DNAAF2: variants seen among roughly 807,000 people sequenced by gnomAD.
DNAAF2 encodes dynein axonemal assembly factor 2, also known as protein kintoun.
In DNAAF2, 58 loss-of-function variants were observed where a neutral mutation model predicts 48.8. The observed-to-expected ratio is 1.19, with a 90% CI of 0.96 to 1.48. The LOEUF (loss-of-function observed/expected upper bound fraction) is 1.48, where lower values mean the gene tolerates loss of function less well. Ranked by LOEUF, DNAAF2 falls within the 40% of genes most tolerant of loss-of-function variation. The pLI is 0.00. For missense variants in DNAAF2, 1,241 were observed against 1,116.1 expected (o/e 1.11, Z -1.59); for synonymous variants, 567 against 481.2 (o/e 1.18, Z -2.33).
rs374063062 is a variant in DNAAF2, at chr14:49,634,200, C to T, written c.950G>A (p.Arg317Gln). ...TGGGTACGGGAGCGAGAGCCGCAGC[C>T]GGTAGTCAGGTTTCCTCGAGTCGAG... Reference protein sequence around the residue: ...LCLDSRKPDYRLRLSLPYPVD... With the variant: ...LCLDSRKPDYQLRLSLPYPVD... Residue 317 changes from arginine to glutamine, a missense_variant, in exon 1 of 3, where the codon CGG becomes CAG. Transcript: ENST00000298292. 114 of 1,611,748 alleles carry T rather than the reference C, an allele frequency of 7.1e-5. No homozygotes were observed. Among genetic ancestry groups the T allele is most frequent in the Non-Finnish European group, 8.9e-5 (105 of 1,179,602 alleles).
At position 49,634,563 on chromosome 14, in the gene DNAAF2, G is replaced by A; in HGVS notation, c.587C>T (p.Pro196Leu). 1 of 1,604,512 alleles carries A rather than the reference G, an allele frequency of 6.2e-7. No individual in the cohort carries two copies. Among genetic ancestry groups the A allele is most frequent in the South Asian group, 1.1e-5 (1 of 91,088 alleles). Residue 196 changes from proline to leucine, a missense_variant, in exon 1 of 3, where the codon CCA (proline) becomes CTA (leucine). Coordinates refer to ENST00000298292, the MANE Select transcript of DNAAF2 (RefSeq NM_018139.3). The part of the protein sequence containing the change: ...KTLKAKYKGT[P>L]EAAVLRTPLP... The stretch of plus-strand genomic sequence containing the variant: ...GGGCGTGCGCAGCACCGCAGCCTCT[G>A]GGGTCCCCTTATACTTGGCCTTCAG...
intron 2 of DNAAF2, among the ~76,000 whole-genome samples, chr14:49,626,845 G>A (rs1056314364): frequency 5.1e-5 from 6 of 118,662 alleles, no homozygotes; most frequent in East Asian, 2.4e-4. Flanking sequence ...TGGCTCTGTC[G>A]CCCAGGCTGG....
chr14:49,635,057 C>T lies in DNAAF2; in HGVS notation c.93G>A (p.Glu31=). ...QRLTSAFQDP[E]FRRMFSQYAE... ...CGTACTGGGAGAACATTCGCCGGAA[C>T]TCCGGGTCCTGGAAGGCGGAGGTGA... Residue 31 remains glutamate, a synonymous_variant, in exon 1 of 3, where the codon GAG becomes GAA. Transcript: ENST00000298292. 1 of 1,585,760 alleles carries T rather than the reference C, an allele frequency of 6.3e-7. No individual in the cohort carries two copies. The highest frequency in any genetic ancestry group is 1.3e-5 in the African/African-American group (1 of 74,370).
Position 49,634,056 on chromosome 14 carries a change from G to A in DNAAF2, c.1094C>T (p.Ala365Val). ...REPAVAVAAA[A>V]PEESADRSGT... ...GGACCGGTCCGCGGACTCTTCCGGCGCGGCGGCGGCGACGGCGACAGCGGG... is the reference window on the plus strand; with the variant it reads ...GGACCGGTCCGCGGACTCTTCCGGCACGGCGGCGGCGACGGCGACAGCGGG... Residue 365 changes from alanine (A) to valine (V), a missense_variant, in exon 1 of 3, where the codon GCG becomes GTG. Transcript: ENST00000298292. 1.3e-6 allele frequency: 2 copies of A among 1,518,414 alleles called. No homozygotes were observed. Among genetic ancestry groups the A allele is most frequent in the Non-Finnish European group, 8.8e-7 (1 of 1,137,128 alleles). The allele number at this position is 1,518,414 out of a possible 1,614,324, so 94.1% of individuals were successfully genotyped here. A position where few individuals can be genotyped will look rare whatever the true frequency, so the allele number is the denominator to read the frequency against.
chr14:49,628,796 T>C (rs570497134), intron 1 of DNAAF2, among the ~76,000 whole-genome samples: 1 of 152,224 alleles, frequency 6.6e-6, no homozygotes, highest in Admixed American at 6.5e-5. Flanking sequence ...TCTAGGGCTA[T>C]AAATGGGATC....
chr14:49,626,799 CTTTTT>C (rs34085502), intron 2 of DNAAF2, among the ~76,000 whole-genome samples: 1 of 63,384 alleles, frequency 1.6e-5, no homozygotes, highest in Non-Finnish European at 2.7e-5. Context: ...TGCTGCCAGT[CTTTTT>C]TTTTTTTTTT....
Position 49,628,004 on chromosome 14 carries a change from T to A in DNAAF2, c.2007+8A>T, listed in dbSNP as rs766597110. 6.4e-7 allele frequency: 1 copy of A among 1,560,664 alleles called. No individual in the cohort carries two copies. The highest frequency in any genetic ancestry group is 1.7e-4 in the Middle Eastern group (1 of 5,828). On this transcript the variant is annotated splice_region_variant and intron_variant, in intron 2 of 2. Transcript: ENST00000298292. ...TTACTCCTCTATAGAGCCCATCAAC[T>A]TCCTTACCTTTGCATTAATTTGAAT...
intron 2 of DNAAF2, 143 bp downstream of exon 2, chr14:49,627,867 AAG>A (rs1237889775): frequency 3.0e-5 from 27 of 888,502 alleles, no homozygotes; most frequent in South Asian, 4.2e-5. Context: ...AAAAAAAAAA[AAG>A]AAAAACTTTT....
intron 1 of DNAAF2, 116 bp downstream of exon 1, chr14:49,633,171 C>T (rs112061363): frequency 9.9e-6 from 12 of 1,208,996 alleles, no homozygotes; most frequent in African/African-American, 3.0e-5. Flanking sequence ...CCGCCCGCCT[C>T]GGCCTCCCAA....
Position 49,634,440 on chromosome 14 carries a change from C to A in DNAAF2, c.710G>T (p.Arg237Leu). The change falls in exon 1 of 3, where the codon CGG (arginine) becomes CTG (leucine). Residue 237 changes from arginine (R) to leucine (L), a missense_variant. By Grantham distance (102) the Arg-to-Leu change is moderately radical (BLOSUM62 -2). Transcript: ENST00000298292. The stretch of plus-strand genomic sequence containing the variant: ...GGCCGCTTCCGGAGGGGAGGGCGCC[C>A]GGGGCCCGGGGGCTGCCGGGTACTG... ...PYQYPAAPGP[R>L]APSPPEAALQ... is the part of the protein sequence containing the mutation. 2 of 1,557,982 alleles carry A rather than the reference C, an allele frequency of 1.3e-6. No homozygotes were observed.
At chr14:49,627,988 T>C in intron 2 of DNAAF2, 24 bp downstream of exon 2, 1 of 1,550,560 alleles carries the variant, frequency 6.4e-7, no homozygotes, top group South Asian at 1.2e-5. Context: ...ATTACTCCTC[T>C]ATAGAGCCCA....
intron 2 of DNAAF2, 21 bp from the exon 3 acceptor site, chr14:49,626,069 AATT>A (rs1256616966): frequency 2.7e-5 from 37 of 1,391,184 alleles, no homozygotes; most frequent in Non-Finnish European, 3.3e-5. Flanking sequence ...AGAAACAACA[AATT>A]AATAATTATT....
At chr14:49,630,669 CCACA>C (rs71441237) in intron 1 of DNAAF2, among the ~76,000 whole-genome samples, 109 of 132,560 alleles carry the variant, frequency 8.2e-4, no homozygotes, top group Admixed American at 1.8e-3. Context: ...AACTCTCTCT[CCACA>C]CACACACACA....
At chr14:49,630,860 C>T (rs1485304084) in intron 1 of DNAAF2, among the ~76,000 whole-genome samples, 1 of 152,018 alleles carries the variant, frequency 6.6e-6, no homozygotes, top group African/African-American at 2.4e-5. Flanking sequence ...AAGCAATTCT[C>T]CTGCCTCAGC....
In DNAAF2 at chr14:49,635,046, A is replaced by T; in HGVS notation, c.104T>A (p.Met35Lys). The T allele has an allele frequency of 1.9e-6, 3 of 1,582,844 alleles. No homozygotes were observed. Among genetic ancestry groups the T allele is most frequent in the Non-Finnish European group, 2.6e-6 (3 of 1,165,336 alleles). Residue 35 changes from methionine (M) to lysine (K), a missense_variant, in exon 1 of 3, where the codon ATG becomes AAG. Transcript: ENST00000298292. Reference sequence around the variant, plus strand: ...GAGCTCCTCGGCGTACTGGGAGAACATTCGCCGGAACTCCGGGTCCTGGAA... The same window carrying T: ...GAGCTCCTCGGCGTACTGGGAGAACTTTCGCCGGAACTCCGGGTCCTGGAA... Reference protein sequence around the residue: ...SAFQDPEFRRMFSQYAEELTD... With the variant: ...SAFQDPEFRRKFSQYAEELTD...
chr14:49,634,424 C>CGGAGG lies in DNAAF2; in HGVS notation c.721_725dup (p.Glu243LeufsTer44). On this transcript the variant is annotated frameshift_variant, in exon 1 of 3. Coordinates refer to ENST00000298292, the MANE Select transcript of DNAAF2 (RefSeq NM_018139.3). LOFTEE classifies it high-confidence loss of function. ...TGGGGGCGGGCTGCAAGGCCGCTTCCGGAGGGGAGGGCGCCCGGGGCCCGG... is the reference window on the plus strand; with the variant it reads ...TGGGGGCGGGCTGCAAGGCCGCTTCCGGAGGGGAGGGGAGGGCGCCCGGGGCCCGG... 1 of 1,567,904 alleles carries CGGAGG rather than the reference C, an allele frequency of 6.4e-7. No individual in the cohort carries two copies. The highest frequency in any genetic ancestry group is 8.6e-7 in the Non-Finnish European group (1 of 1,158,482).
Position 49,625,636 on chromosome 14 carries a change from G to C in DNAAF2, c.2420C>G (p.Thr807Ser). The change falls in exon 3 of 3, where the codon ACC (threonine) becomes AGC (serine). Residue 807 changes from threonine (T) to serine (S), a missense_variant. Transcript: ENST00000298292. ...NIPGFDSIKE[T>S]NMQDGSVQVI... Reference sequence around the variant, plus strand: ...CTGCACACTACCATCCTGCATATTGGTTTCTTTTATGCTGTCGAATCCAGG... The same window carrying C: ...CTGCACACTACCATCCTGCATATTGCTTTCTTTTATGCTGTCGAATCCAGG... 1 of 1,613,620 alleles carries C rather than the reference G, an allele frequency of 6.2e-7. No homozygotes were observed. Among genetic ancestry groups the C allele is most frequent in the Non-Finnish European group, 8.5e-7 (1 of 1,179,742 alleles).
In DNAAF2 at chr14:49,634,714, A is replaced by C. The variant is rs1207595112; in HGVS notation, c.436T>G (p.Phe146Val). The change falls in exon 1 of 3, where the codon TTC becomes GTC. Residue 146 changes from phenylalanine to valine, a missense_variant. Transcript: ENST00000298292. ...GCCAGCGCAAGCGCGTCTGGATGGA[A>C]GACCACGTCGTAGACCATGTAGCGG... ...SSRYMVYDVV[F>V]HPDALALARR... is the part of the protein sequence containing the mutation. The C allele has an allele frequency of 5.6e-6, 9 of 1,606,098 alleles. No homozygotes were observed. The highest frequency in any genetic ancestry group is 6.8e-6 in the Non-Finnish European group (8 of 1,179,588).
At chr14:49,633,245 A>C in intron 1 of DNAAF2, 42 bp downstream of exon 1, 2 of 1,598,922 alleles carry the variant, frequency 1.3e-6, no homozygotes, top group Middle Eastern at 3.3e-4. Context: ...TTAAAGTGAG[A>C]TGGGATATTT....
Sources: allele counts gnomAD v4.1 joint callset (sites outside exome capture counted in the v4.1 genomes callset), GRCh38; gene constraint gnomAD v4.1.1; transcripts MANE v1.5; gene names NCBI Gene and HGNC (gene_info 2026-07-23, HGNC 2026-07-21).